Variants in ARHGAP12 observed in about 807,000 individuals in gnomAD.
The protein encoded by ARHGAP12 is Rho GTPase activating protein 12.
ARHGAP12 carries 64 observed loss-of-function variants against 108.6 expected under a neutral mutation model. That is an observed-to-expected ratio of 0.59 (90% CI 0.48 to 0.73). The LOEUF is 0.73. ARHGAP12 is among the 30% of genes least tolerant of loss of function. The probability of loss-of-function intolerance (pLI) is 0.00; values close to 1 mark genes in which losing one functional copy is unlikely to be tolerated. For missense variants in ARHGAP12, 940 were observed against 1,005.9 expected (o/e 0.93, Z 0.89); for synonymous variants, 312 against 337.2 (o/e 0.93, Z 0.82).
At position 31,862,281 on chromosome 10, in the gene ARHGAP12, A is replaced by G. The variant is rs546874766; in HGVS notation, c.685-623T>C. On this transcript the variant is annotated intron_variant, in intron 3 of 19. Transcript: ENST00000344936. ...TCAGAGGCTATAAACAAATCATTTAATCTCTTCCTAGCTTCCTTATTTGTG... is the reference window on the plus strand; with the variant it reads ...TCAGAGGCTATAAACAAATCATTTAGTCTCTTCCTAGCTTCCTTATTTGTG... 6.6e-5 allele frequency among the ~76,000 whole-genome samples: 10 copies of G among 152,318 alleles called. No individual in the cohort carries two copies. The East Asian group carries it at 1.5e-3, about 23-fold the overall frequency.
At chr10:31,926,764 T>A (rs1431994907) in intron 1 of ARHGAP12, among the ~76,000 whole-genome samples, 1 of 152,238 alleles carries the variant, frequency 6.6e-6, no homozygotes, top group Non-Finnish European at 1.5e-5. Context: ...TCTTTCTAAT[T>A]AAAGAAAAGT....
At chr10:31,880,534 G>T (rs73253362) in intron 3 of ARHGAP12, among the ~76,000 whole-genome samples, 7,790 of 152,038 alleles carry the variant, frequency 0.051, 659 homozygotes, top group African/African-American at 0.18. Flanking sequence ...AAAAGAATAA[G>T]ATTCTACTTT....
intron 4 of ARHGAP12, among the ~76,000 whole-genome samples, chr10:31,860,897 T>C (rs1187496404): frequency 6.6e-6 from 1 of 151,980 alleles, no homozygotes; most frequent in South Asian, 2.1e-4. Context: ...TCTCTACAAA[T>C]AAAATTTTTA....
intron 9 of ARHGAP12, among the ~76,000 whole-genome samples, chr10:31,833,160 G>A (rs771248642): frequency 6.6e-6 from 1 of 151,668 alleles, no homozygotes. Flanking sequence ...TTAATTTGCC[G>A]CCTGCACCCC....
intron 1 of ARHGAP12, among the ~76,000 whole-genome samples, chr10:31,927,992 G>A (rs1840120688): frequency 1.3e-5 from 2 of 152,218 alleles, no homozygotes; most frequent in South Asian, 4.1e-4. Flanking sequence ...CGTCCATCCA[G>A]CAGGGGCAGG....
intron 3 of ARHGAP12, among the ~76,000 whole-genome samples, chr10:31,866,928 T>A (rs1188034623): frequency 1.3e-5 from 2 of 152,150 alleles, no homozygotes; most frequent in African/African-American, 4.8e-5. Flanking sequence ...CCCTAATTTT[T>A]AAAAATCAGG....
chr10:31,885,818 CA>C (rs766985293), intron 3 of ARHGAP12, among the ~76,000 whole-genome samples: 13,787 of 102,564 alleles, frequency 0.13, 704 homozygotes, highest in Middle Eastern at 0.22. Context: ...GACACCAACT[CA>C]AAAAAAAAAA....
chr10:31,873,368 T>TGA (rs1247796119), intron 3 of ARHGAP12, among the ~76,000 whole-genome samples: 4 of 152,226 alleles, frequency 2.6e-5, no homozygotes, highest in African/African-American at 9.6e-5. Context: ...ATATCCAAAT[T>TGA]ATTCCAAACA....
At position 31,810,845 on chromosome 10, in the gene ARHGAP12, C is replaced by T. The variant is rs1342847829; in HGVS notation, c.1952-98G>A. 6 of 884,792 alleles carry T rather than the reference C, an allele frequency of 6.8e-6. No individual in the cohort carries two copies. In the East Asian group the frequency reaches 1.5e-4, roughly 22 times the overall value. 54.8% of individuals were successfully genotyped at this position (884,792 alleles called of 1,614,324 possible). A position where few individuals can be genotyped will look rare whatever the true frequency, so the allele number is the denominator to read the frequency against. ...AGTGCAACAGAAACATCCAGCGTAA[C>T]CAAATATTGTTTAACATGGCCCTAT... On this transcript the variant is annotated intron_variant, in intron 15 of 19. Transcript: ENST00000344936.
At chr10:31,820,725 T>C (rs1487202240) in intron 11 of ARHGAP12, among the ~76,000 whole-genome samples, 1 of 148,810 alleles carries the variant, frequency 6.7e-6, no homozygotes, top group African/African-American at 2.4e-5. Context: ...TATATATATA[T>C]ATATATATAT....
chr10:31,817,049 A>G (rs1213843073), intron 13 of ARHGAP12, among the ~76,000 whole-genome samples: 1 of 152,118 alleles, frequency 6.6e-6, no homozygotes, highest in Non-Finnish European at 1.5e-5. Flanking sequence ...GAGAATACAG[A>G]GTATAAAAAA....
chr10:31,928,292 C>G (rs1840147262), intron 1 of ARHGAP12, among the ~76,000 whole-genome samples: 1 of 151,822 alleles, frequency 6.6e-6, no homozygotes, highest in Non-Finnish European at 1.5e-5. Context: ...CGCACTCTCC[C>G]GCACTCACAC....
chr10:31,832,680 CAAGG>C (rs1835877486), intron 9 of ARHGAP12, among the ~76,000 whole-genome samples: 1 of 152,200 alleles, frequency 6.6e-6, no homozygotes, highest in Admixed American at 6.5e-5. Flanking sequence ...CTCTCTCTCA[CAAGG>C]AAGAAGTATC....
intron 4 of ARHGAP12, among the ~76,000 whole-genome samples, chr10:31,859,794 T>G (rs976433807): frequency 6.8e-6 from 1 of 146,710 alleles, no homozygotes; most frequent in African/African-American, 2.5e-5. Flanking sequence ...TCAAATAAAA[T>G]TTTCCTTTTT....
At chr10:31,826,420 T>A in intron 10 of ARHGAP12, 35 bp from the exon 11 acceptor site, 1 of 1,567,714 alleles carries the variant, frequency 6.4e-7, no homozygotes, top group Non-Finnish European at 8.7e-7. Context: ...AAAGCTCCAA[T>A]CTCGAGTTCT....
chr10:31,863,793 A>G (rs758874043), intron 3 of ARHGAP12, among the ~76,000 whole-genome samples: 9 of 152,152 alleles, frequency 5.9e-5, no homozygotes, highest in Non-Finnish European at 1.0e-4. Context: ...ATCTCTACAG[A>G]CACCAAGAAA....
intron 11 of ARHGAP12, among the ~76,000 whole-genome samples, chr10:31,822,661 T>TA: frequency 6.6e-6 from 1 of 152,286 alleles, no homozygotes; most frequent in South Asian, 2.1e-4. Context: ...CGATCTTGAT[T>TA]AGACCCTGTC....
At chr10:31,813,064 T>C (rs1471873006) in intron 14 of ARHGAP12, among the ~76,000 whole-genome samples, 1 of 152,148 alleles carries the variant, frequency 6.6e-6, no homozygotes, top group Non-Finnish European at 1.5e-5. Flanking sequence ...AGATGACAAC[T>C]GTACCTTCTA....
In ARHGAP12 at chr10:31,908,479, G is replaced by T; in HGVS notation, c.377C>A (p.Thr126Lys). 1 of 1,614,228 alleles carries T rather than the reference G, an allele frequency of 6.2e-7. No homozygotes were observed. The highest frequency in any genetic ancestry group is 8.5e-7 in the Non-Finnish European group (1 of 1,180,042). ...CTGATTGGCATCACGAATAAGACCT[G>T]TTCCTTGAACAGATGACGATGGCTT... ...FGKPSSSVQG[T>K]GLIRDANQNF... Residue 126 changes from threonine to lysine, a missense_variant, in exon 3 of 20, where the codon ACA becomes AAA. Transcript: ENST00000344936.
Sources: gnomAD v4.1 joint callset for allele counts (sites outside exome capture counted in the v4.1 genomes callset) on GRCh38, gnomAD v4.1.1 for gene constraint, MANE v1.5 for transcripts, NCBI Gene and HGNC (gene_info 2026-07-23, HGNC 2026-07-21) for gene names.